The following PKIB variants were observed in gnomAD, a reference collection of about 807,000 sequenced individuals.
PKIB encodes PKI-beta.
In PKIB, 2 loss-of-function variants were observed where a neutral mutation model predicts 4.5. That is an observed-to-expected ratio of 0.44 (90% confidence interval 0.18 to 1.39). PKIB has a LOEUF of 1.39. Among genes scored for constraint, PKIB ranks in the 40% most tolerant of loss-of-function variants. PKIB has a pLI of 0.27. For synonymous variants in PKIB, 38 were observed against 36.0 expected (o/e 1.06, Z -0.20); for missense variants, 94 against 92.6 (o/e 1.02, Z -0.06).
chr6:122,625,800 G>A (rs1775419058), intron 1 of PKIB, among the ~76,000 whole-genome samples: 1 of 152,054 alleles, frequency 6.6e-6, no homozygotes, highest in African/African-American at 2.4e-5. Context: ...CAGCTTCAGT[G>A]GCTCATACCT....
chr6:122,640,325 C>A (rs974809312), intron 2 of PKIB, among the ~76,000 whole-genome samples: 2 of 152,140 alleles, frequency 1.3e-5, no homozygotes, highest in African/African-American at 4.8e-5. Context: ...GTGAGAAATG[C>A]TAAACATATA....
intron 2 of PKIB, among the ~76,000 whole-genome samples, chr6:122,485,056 T>C (rs1775722828): frequency 6.6e-6 from 1 of 152,116 alleles, no homozygotes; most frequent in Non-Finnish European, 1.5e-5. Context: ...TTCACTTCCC[T>C]TTTTTTGGCC....
At chr6:122,592,902 G>A (rs1774060605) in intron 3 of PKIB, among the ~76,000 whole-genome samples, 1 of 152,112 alleles carries the variant, frequency 6.6e-6, no homozygotes, top group South Asian at 2.1e-4. Flanking sequence ...CAAACTCCCA[G>A]TACTACCAAT....
intron 2 of PKIB, among the ~76,000 whole-genome samples, chr6:122,672,335 C>G (rs758914135): frequency 3.3e-5 from 5 of 152,140 alleles, no homozygotes; most frequent in Non-Finnish European, 5.9e-5. Flanking sequence ...AGAAAATATT[C>G]CTCATCTAAA....
Position 122,495,120 on chromosome 6 carries a change from C to G in PKIB, c.-248+17181C>G, listed in dbSNP as rs527604223. ...GGGCTCCCAGCACAGTGGCCCTGCCCCCAATCCAAACATTTTGGTTGGTGA... is the reference window on the plus strand; with the variant it reads ...GGGCTCCCAGCACAGTGGCCCTGCCGCCAATCCAAACATTTTGGTTGGTGA... On this transcript the variant is annotated intron_variant, in intron 2 of 6. Transcript: ENST00000392491. 9.2e-5 allele frequency among the ~76,000 whole-genome samples: 14 copies of G among 152,280 alleles called. No individual in the cohort carries two copies. In the South Asian group the frequency reaches 1.0e-3, roughly 11 times the overall value.
intron 1 of PKIB, among the ~76,000 whole-genome samples, chr6:122,475,276 A>G (rs1277078930): frequency 6.6e-6 from 1 of 152,194 alleles, no homozygotes; most frequent in Non-Finnish European, 1.5e-5. Context: ...TAAAAATAAT[A>G]ATTTTATTTT....
intron 2 of PKIB, among the ~76,000 whole-genome samples, chr6:122,564,431 G>C (rs1191195172): frequency 6.6e-6 from 1 of 152,156 alleles, no homozygotes; most frequent in Non-Finnish European, 1.5e-5. Context: ...CCTCTAGTAA[G>C]AGCTTTGCTT....
At chr6:122,663,144 T>C (rs1399791613) in intron 2 of PKIB, among the ~76,000 whole-genome samples, 1 of 152,180 alleles carries the variant, frequency 6.6e-6, no homozygotes, top group African/African-American at 2.4e-5. Flanking sequence ...GATCATGAGA[T>C]GACACCTAAA....
At chr6:122,496,446 T>C (rs2114548519) in intron 2 of PKIB, among the ~76,000 whole-genome samples, 1 of 152,304 alleles carries the variant, frequency 6.6e-6, no homozygotes, top group Admixed American at 6.5e-5. Context: ...GGAAACTTGA[T>C]GAAATCCAAC....
intron 2 of PKIB, among the ~76,000 whole-genome samples, chr6:122,536,814 A>C (rs1245332972): frequency 6.6e-6 from 1 of 152,004 alleles, no homozygotes; most frequent in African/African-American, 2.4e-5. Flanking sequence ...AAGCAATAAT[A>C]AATATTAGAC....
chr6:122,642,253 T>C (rs1299721148), intron 2 of PKIB, among the ~76,000 whole-genome samples: 1 of 152,206 alleles, frequency 6.6e-6, no homozygotes, highest in Non-Finnish European at 1.5e-5. Context: ...TTGTCTAAAG[T>C]TGTTCTTTTA....
At chr6:122,670,403 T>C (rs1777409544) in intron 2 of PKIB, among the ~76,000 whole-genome samples, 1 of 152,192 alleles carries the variant, frequency 6.6e-6, no homozygotes, top group East Asian at 1.9e-4. Context: ...TATTGCCCAT[T>C]GCCAAGGCTA....
intron 3 of PKIB, among the ~76,000 whole-genome samples, chr6:122,704,944 A>G (rs1778995506): frequency 6.6e-6 from 1 of 152,110 alleles, no homozygotes; most frequent in African/African-American, 2.4e-5. Context: ...TGTAGCTCTA[A>G]CTATTCGGGA....
At chr6:122,588,392 A>G (rs1338463361) in intron 3 of PKIB, among the ~76,000 whole-genome samples, 4 of 152,172 alleles carry the variant, frequency 2.6e-5, no homozygotes, top group African/African-American at 9.6e-5. Flanking sequence ...CCATCAAGCT[A>G]CCAATGACTT....
In PKIB at chr6:122,635,953, A is replaced by G. The variant is rs771974204; in HGVS notation, c.-76+2586A>G. 3.3e-4 allele frequency among the ~76,000 whole-genome samples: 51 copies of G among 152,280 alleles called. 1 individual carries two copies. Among genetic ancestry groups the G allele is most frequent in the Non-Finnish European group, 4.7e-4 (32 of 67,994 alleles). On this transcript the variant is annotated intron_variant, in intron 2 of 4. Coordinates refer to ENST00000368452, the MANE Select transcript of PKIB (RefSeq NM_181795.3). ...CATCACTTATAATTAATATCATTTA[A>G]CAAATTTTAACCAACGCAATAAATG...
At chr6:122,696,527 A>T (rs4639369) in intron 3 of PKIB, among the ~76,000 whole-genome samples, 2 of 152,152 alleles carry the variant, frequency 1.3e-5, no homozygotes, top group Admixed American at 1.3e-4. Context: ...ATGTTCTTCG[A>T]CCCTAGAAAG....
At chr6:122,706,456 A>C (rs927684772) in intron 3 of PKIB, among the ~76,000 whole-genome samples, 3 of 152,184 alleles carry the variant, frequency 2.0e-5, no homozygotes, top group Non-Finnish European at 4.4e-5. Flanking sequence ...AGAGTCTTGC[A>C]CTGAACGGAA....
At chr6:122,651,313 G>GCA (rs1776544793) in intron 2 of PKIB, among the ~76,000 whole-genome samples, 1 of 152,208 alleles carries the variant, frequency 6.6e-6, no homozygotes, top group Admixed American at 6.5e-5. Context: ...TTGGTATGTA[G>GCA]CACACTTCCT....
intron 2 of PKIB, among the ~76,000 whole-genome samples, chr6:122,567,354 C>A: frequency 6.6e-6 from 1 of 152,264 alleles, no homozygotes; most frequent in South Asian, 2.1e-4. Context: ...GAATTAAGCT[C>A]TATTCACTCA....
Sources: gnomAD v4.1 joint callset for allele counts (sites outside exome capture counted in the v4.1 genomes callset) on GRCh38, gnomAD v4.1.1 for gene constraint, MANE v1.5 for transcripts, NCBI Gene and HGNC (gene_info 2026-07-23, HGNC 2026-07-21) for gene names.